EIF4B: variants seen among roughly 807,000 people sequenced by gnomAD.
EIF4B encodes the protein eukaryotic translation initiation factor 4B.
Under a neutral mutation model 79.3 loss-of-function variants are expected in EIF4B, and 8 were observed. The ratio of observed to expected loss-of-function variants is 0.10; its 90% CI spans 0.06 to 0.18. The LOEUF (loss-of-function observed/expected upper bound fraction) is 0.18, where lower values mean the gene tolerates loss of function less well. Ranked by LOEUF, EIF4B falls within the 10% of genes least tolerant of loss-of-function variation. The pLI is 1.00. For synonymous variants in EIF4B, 238 were observed against 274.7 expected, an observed-to-expected ratio of 0.87 and a Z score of 1.32; for missense variants, 515 against 792.4, an observed-to-expected ratio of 0.65 and a Z score of 4.20.
intron 6 of EIF4B, among the ~76,000 whole-genome samples, chr12:53,027,137 A>AATTTTTTTTTTTTTTT (rs1491387300): frequency 1.2e-4 from 3 of 25,722 alleles, no homozygotes; most frequent in Non-Finnish European, 2.0e-4. Flanking sequence ...AAAAAAAAAA[A>AATTTTTTTTTTTTTTT]TTTTTTTTTT....
At position 53,033,868 on chromosome 12, in the gene EIF4B, T is replaced by G; in HGVS notation, c.1042T>G (p.Ser348Ala). 6.2e-7 allele frequency: 1 copy of G among 1,614,040 alleles called. No individual in the cohort carries two copies. Residue 348 changes from serine to alanine, a missense_variant, in exon 9 of 15, where the codon TCT (serine) becomes GCT (alanine). By Grantham distance (99) the Ser-to-Ala change is moderately conservative (BLOSUM62 1). Around this residue, in one of 6 missense-constraint regions of EIF4B, gnomAD observed 187 missense variants for 256.5 expected, o/e 0.73. Transcript: ENST00000262056. Reference protein sequence around the residue: ...PRSTPKEDDSSASTSQSTRAA... With the variant: ...PRSTPKEDDSAASTSQSTRAA... ...GAGTACTCCTAAGGAAGATGATTCC[T>G]CTGCTAGTACCTCCCAGTCCACTCG... is the stretch of plus-strand genomic sequence containing the variant.
In EIF4B at chr12:53,041,071, G is replaced by C. The variant is rs1396185435; in HGVS notation, c.*848G>C. 4 of 152,128 alleles carry C rather than the reference G, an allele frequency of 2.6e-5. No individual in the cohort carries two copies. The highest frequency in any genetic ancestry group is 6.5e-5 in the Admixed American group (1 of 15,276). 9.4% of individuals were successfully genotyped at this position (152,128 alleles called of 1,614,324 possible). A position where few individuals can be genotyped will look rare whatever the true frequency, so the allele number is the denominator to read the frequency against. ...TTTCTAAACACTGTCCTTTTTGAAA[G>C]TTTTGAATATATCCACATTCTATTG... On this transcript the variant is annotated 3_prime_UTR_variant, in exon 15 of 15. Transcript: ENST00000262056.
At chr12:53,025,185 G>A in intron 6 of EIF4B, 1 of 455,438 alleles carries the variant, frequency 2.2e-6, no homozygotes, top group Non-Finnish European at 4.4e-6. Context: ...TATGTGAGGT[G>A]ATTAACTTCA....
chr12:53,038,540 C>T (rs547787708), intron 12 of EIF4B, 129 bp downstream of exon 12: 9 of 775,442 alleles, frequency 1.2e-5, no homozygotes, highest in East Asian at 1.0e-4. Flanking sequence ...GTTGGCCAGG[C>T]GCAGGGGCTC....
At position 53,030,413 on chromosome 12, in the gene EIF4B, C is replaced by CTTTTTTTTTTTTTTTTTTTTTTT. The variant is rs759061266; in HGVS notation, c.979+2228_979+2250dup. ...GAAATAGGTTTTAAAAAATTATATT[C>CTTTTTTTTTTTTTTTTTTTTTTT]TTTTTTTTTTTTTTTTTTTTTTTTT... On this transcript the variant is annotated intron_variant, in intron 8 of 14. Coordinates refer to ENST00000262056, the MANE Select transcript of EIF4B (RefSeq NM_001417.7). Among the ~76,000 whole-genome samples the CTTTTTTTTTTTTTTTTTTTTTTT allele has an allele frequency of 6.3e-3, 271 of 43,068 alleles. 83 individuals carry two copies. Among genetic ancestry groups the CTTTTTTTTTTTTTTTTTTTTTTT allele is most frequent in the East Asian group, 0.019 (20 of 1,038 alleles). The allele number at this position is 43,068 out of a possible 152,430, so 28.3% of individuals were successfully genotyped here.
At chr12:53,028,512 G>A (rs1424429180) in intron 8 of EIF4B, among the ~76,000 whole-genome samples, 4 of 149,888 alleles carry the variant, frequency 2.7e-5, no homozygotes. Context: ...TGGAGATGGC[G>A]CCGCTGCACT....
chr12:53,010,323 A>T (rs1044385127), intron 1 of EIF4B, among the ~76,000 whole-genome samples: 1 of 152,186 alleles, frequency 6.6e-6, no homozygotes. Context: ...AACTTACCCA[A>T]TCCCCAACTA....
chr12:53,025,534 A>G (rs753616082), intron 6 of EIF4B, among the ~76,000 whole-genome samples: 14 of 152,226 alleles, frequency 9.2e-5, no homozygotes, highest in Non-Finnish European at 1.8e-4. Flanking sequence ...GCATGGATCT[A>G]TGCTTTCTCA....
intron 7 of EIF4B, 30 bp downstream of exon 7, chr12:53,027,949 T>G (rs768747280): frequency 5.1e-6 from 8 of 1,574,746 alleles, no homozygotes; most frequent in Non-Finnish European, 6.0e-6. Context: ...AATTGCTCTT[T>G]CAGTAACTTT....
intron 1 of EIF4B, among the ~76,000 whole-genome samples, chr12:53,006,884 C>T (rs547869085): frequency 5.3e-4 from 80 of 150,246 alleles, no homozygotes; most frequent in African/African-American, 1.8e-3. Context: ...GACGAGTGCA[C>T]ATTAGACTAC....
intron 8 of EIF4B, among the ~76,000 whole-genome samples, chr12:53,028,883 T>C (rs1314983802): frequency 6.6e-6 from 1 of 152,066 alleles, no homozygotes; most frequent in Non-Finnish European, 1.5e-5. Context: ...CTCAGCACTT[T>C]GGAAGGCCAA....
chr12:53,007,998 A>T (rs961817498), intron 1 of EIF4B, among the ~76,000 whole-genome samples: 2 of 152,260 alleles, frequency 1.3e-5, no homozygotes, highest in Non-Finnish European at 2.9e-5. Flanking sequence ...AGGTGTCATC[A>T]TCAGTTTAGG....
At chr12:53,039,953 A>C in intron 14 of EIF4B, 190 bp from the exon 15 acceptor site, 5 of 717,314 alleles carry the variant, frequency 7.0e-6, no homozygotes, top group Non-Finnish European at 1.2e-5. Context: ...GTGGTATGAG[A>C]CTATAGTAAG....
At chr12:53,009,719 A>AG (rs2120880668) in intron 1 of EIF4B, among the ~76,000 whole-genome samples, 1 of 152,316 alleles carries the variant, frequency 6.6e-6, no homozygotes, top group South Asian at 2.1e-4. Context: ...CAGATTCCCT[A>AG]GTGTCAAGTT....
chr12:53,019,448 T>C lies in EIF4B; in HGVS notation c.360+442T>C, dbSNP rs28415311. On this transcript the variant is annotated intron_variant, in intron 3 of 14. Coordinates refer to ENST00000262056, the MANE Select transcript of EIF4B (RefSeq NM_001417.7). ...TTATATATATATATATTTTTTTTTT[T>C]TCTTTTTTTTTTTTTTTTTTTTTTT... is the stretch of plus-strand genomic sequence containing the variant. Among the ~76,000 whole-genome samples, 382 of 110,632 alleles carry C rather than the reference T, an allele frequency of 3.5e-3. 3 individuals carry two copies. Among genetic ancestry groups the C allele is most frequent in the African/African-American group, 0.014 (366 of 25,410 alleles). The allele number at this position is 110,632 out of a possible 152,430, so 72.6% of individuals were successfully genotyped here.
intron 8 of EIF4B, among the ~76,000 whole-genome samples, chr12:53,030,656 C>T (rs576745662): frequency 1.1e-4 from 16 of 151,604 alleles, no homozygotes; most frequent in South Asian, 1.0e-3. Flanking sequence ...GTGATTCGCC[C>T]GCCTCGGCCT....
rs1291892478 is a variant in EIF4B, at chr12:53,039,445, A to G, written c.1682+102A>G. 5.7e-6 allele frequency: 7 copies of G among 1,230,036 alleles called. No homozygotes were observed. The African/African-American group carries it at 1.1e-4, about 19-fold the overall frequency. The allele number at this position is 1,230,036 out of a possible 1,614,324, so 76.2% of individuals were successfully genotyped here. A position where few individuals can be genotyped will look rare whatever the true frequency, so the allele number is the denominator to read the frequency against. ...GAGCACTGCCAGATCGCTCATTGTGAGCAAACTAAAGTCAGCCAACGTAGA... is the reference window on the plus strand; with the variant it reads ...GAGCACTGCCAGATCGCTCATTGTGGGCAAACTAAAGTCAGCCAACGTAGA... On this transcript the variant is annotated intron_variant, in intron 13 of 14. Coordinates refer to ENST00000262056, the MANE Select transcript of EIF4B (RefSeq NM_001417.7).
chr12:53,010,785 C>G (rs927290858), intron 1 of EIF4B, among the ~76,000 whole-genome samples: 37 of 152,070 alleles, frequency 2.4e-4, no homozygotes, highest in African/African-American at 8.9e-4. Context: ...GTTGGCCAGG[C>G]TGGTCTCGAG....
At position 53,040,957 on chromosome 12, in the gene EIF4B, C is replaced by T. The variant is rs1265700597; in HGVS notation, c.*734C>T. ...TAATAGGGGAAAATTGTGTGACCTC[C>T]AGCAAACACATGAATGGTTATTTCC... On this transcript the variant is annotated 3_prime_UTR_variant, in exon 15 of 15. Transcript: ENST00000262056. 6.6e-6 allele frequency: 1 copy of T among 152,086 alleles called. No individual in the cohort carries two copies. Among genetic ancestry groups the T allele is most frequent in the Non-Finnish European group, 1.5e-5 (1 of 68,012 alleles). 9.4% of individuals were successfully genotyped at this position (152,086 alleles called of 1,614,324 possible).
Sources: gnomAD v4.1 joint callset for allele counts (sites outside exome capture counted in the v4.1 genomes callset) on GRCh38, gnomAD v4.1.1 for gene constraint, gnomAD v4.1.1 regional missense constraint, MANE v1.5 for transcripts, NCBI Gene and HGNC (gene_info 2026-07-23, HGNC 2026-07-21) for gene names.